The following GRID1 variants were observed in gnomAD, a reference collection of about 807,000 sequenced individuals.
GRID1 encodes the protein glutamate receptor ionotropic, delta-1.
In GRID1, 28 loss-of-function variants were observed where a neutral mutation model predicts 98.0. That is an observed-to-expected ratio of 0.29 (90% CI 0.21 to 0.39). The LOEUF (loss-of-function observed/expected upper bound fraction) is 0.39, where lower values mean the gene tolerates loss of function less well. Among genes scored for constraint, GRID1 ranks in the 10% least tolerant of loss-of-function variants. The pLI is 1.00. For missense variants in GRID1, 1,111 were observed against 1,340.5 expected (o/e 0.83, Z 2.67); for synonymous variants, 553 against 538.5 (o/e 1.03, Z -0.37).
At chr10:85,879,034 A>G (rs543560649) in intron 5 of GRID1, among the ~76,000 whole-genome samples, 8,354 of 149,280 alleles carry the variant, frequency 0.056, 269 homozygotes, top group African/African-American at 0.063. Context: ...AGGCCATTAC[A>G]TGATGGTAAA....
intron 3 of GRID1, among the ~76,000 whole-genome samples, chr10:86,142,918 C>T (rs987274052): frequency 1.5e-4 from 23 of 152,344 alleles, no homozygotes; most frequent in Middle Eastern, 3.4e-3. Flanking sequence ...GGGCAAGTAG[C>T]AACTGTCTTG....
chr10:86,251,151 C>G (rs970000704), intron 2 of GRID1, among the ~76,000 whole-genome samples: 2 of 152,078 alleles, frequency 1.3e-5, no homozygotes, highest in South Asian at 2.1e-4. Flanking sequence ...GCAGCATACT[C>G]GTTAAGAGTC....
chr10:86,033,270 C>T (rs1415843813), intron 4 of GRID1, among the ~76,000 whole-genome samples: 3 of 152,052 alleles, frequency 2.0e-5, no homozygotes, highest in Non-Finnish European at 4.4e-5. Context: ...TAACAAATTG[C>T]CCATGATCTA....
At chr10:86,145,644 T>A (rs1401000782) in intron 3 of GRID1, among the ~76,000 whole-genome samples, 1 of 152,082 alleles carries the variant, frequency 6.6e-6, no homozygotes, top group East Asian at 1.9e-4. Flanking sequence ...CAGTTCAAAC[T>A]TCCCCTCTGA....
chr10:85,675,306 G>A (rs1387715284), intron 12 of GRID1, among the ~76,000 whole-genome samples: 1 of 152,112 alleles, frequency 6.6e-6, no homozygotes, highest in African/African-American at 2.4e-5. Flanking sequence ...GAATGGCAGT[G>A]CCCTTCTCCT....
chr10:85,777,943 C>A (rs1470473704), intron 8 of GRID1, among the ~76,000 whole-genome samples: 2 of 152,152 alleles, frequency 1.3e-5, no homozygotes, highest in African/African-American at 2.4e-5. Flanking sequence ...TAAATCCACA[C>A]CCCAAATGTA....
chr10:86,237,479 T>C (rs868404109), intron 2 of GRID1, among the ~76,000 whole-genome samples: 8 of 152,072 alleles, frequency 5.3e-5, no homozygotes, highest in African/African-American at 1.9e-4. Flanking sequence ...GGCGGGTGGA[T>C]CACGAGGTCA....
intron 15 of GRID1, among the ~76,000 whole-genome samples, chr10:85,612,171 C>A (rs947658917): frequency 1.3e-5 from 2 of 152,198 alleles, no homozygotes; most frequent in African/African-American, 2.4e-5. Context: ...CCACCCCTGT[C>A]CTCACCCCTG....
intron 12 of GRID1, among the ~76,000 whole-genome samples, chr10:85,710,358 CA>C (rs1341777381): frequency 2.0e-5 from 3 of 152,040 alleles, no homozygotes; most frequent in African/African-American, 7.2e-5. Context: ...GGTGCCAAGA[CA>C]ATTCAAAGAA....
At chr10:85,807,070 C>G (rs566564274) in intron 8 of GRID1, among the ~76,000 whole-genome samples, 2 of 151,984 alleles carry the variant, frequency 1.3e-5, no homozygotes, top group South Asian at 4.2e-4. Context: ...TAATCTTGGG[C>G]TGGGCATAGT....
intron 2 of GRID1, among the ~76,000 whole-genome samples, chr10:86,314,229 T>C (rs1207543528): frequency 2.0e-5 from 3 of 152,232 alleles, no homozygotes; most frequent in African/African-American, 7.2e-5. Context: ...TGCTTTCAGC[T>C]GGTGCTCAGG....
chr10:86,313,886 A>G (rs1448728427), intron 2 of GRID1, among the ~76,000 whole-genome samples: 1 of 152,110 alleles, frequency 6.6e-6, no homozygotes, highest in Non-Finnish European at 1.5e-5. Context: ...ACTCCATGCT[A>G]TTACAACAAA....
chr10:86,280,366 C>T (rs893400922), intron 2 of GRID1, among the ~76,000 whole-genome samples: 53 of 152,202 alleles, frequency 3.5e-4, no homozygotes, highest in Admixed American at 7.9e-4. Flanking sequence ...CCCTCCTCTA[C>T]TTGCTGCTCC....
intron 6 of GRID1, among the ~76,000 whole-genome samples, chr10:85,867,646 A>G (rs988858519): frequency 6.6e-6 from 1 of 152,256 alleles, no homozygotes; most frequent in African/African-American, 2.4e-5. Flanking sequence ...ATCTCAACGT[A>G]AACTCTTGCC....
At chr10:85,620,974 C>A (rs1215891080) in intron 13 of GRID1, among the ~76,000 whole-genome samples, 2 of 152,188 alleles carry the variant, frequency 1.3e-5, no homozygotes, top group African/African-American at 4.8e-5. Flanking sequence ...CAGGAACTTG[C>A]CTGCAGCGAC....
intron 2 of GRID1, among the ~76,000 whole-genome samples, chr10:86,211,187 C>A (rs913688321): frequency 1.8e-4 from 28 of 152,352 alleles, no homozygotes; most frequent in African/African-American, 6.5e-4. Context: ...AGTAGCAACT[C>A]AGAAGTCATC....
rs756926441 is a variant in GRID1 at position 85,686,054 on chromosome 10, TAAG to T, written c.1997+36946_1997+36948del. Among the ~76,000 whole-genome samples, 17 of 152,186 alleles carry T rather than the reference TAAG, an allele frequency of 1.1e-4. No individual in the cohort carries two copies. In the East Asian group the frequency reaches 1.7e-3, roughly 16 times the overall value. On this transcript the variant is annotated intron_variant, in intron 12 of 15. Transcript: ENST00000327946. ...ATTTTGATCTTGTTTATGTGAAATA[TAAG>T]AAGCTGATTTTCAATACATATAAAA... is the stretch of plus-strand genomic sequence containing the variant.
At chr10:85,900,085 A>G (rs1841358756) in intron 5 of GRID1, among the ~76,000 whole-genome samples, 1 of 152,182 alleles carries the variant, frequency 6.6e-6, no homozygotes, top group South Asian at 2.1e-4. Flanking sequence ...ACATCCCTTA[A>G]GACACTCACA....
intron 3 of GRID1, among the ~76,000 whole-genome samples, chr10:86,141,616 C>T (rs1251547265): frequency 1.3e-5 from 2 of 152,240 alleles, no homozygotes; most frequent in African/African-American, 2.4e-5. Context: ...CTAGGCTGTA[C>T]ATAACACAAC....
Sources: gnomAD v4.1 joint callset for allele counts (sites outside exome capture counted in the v4.1 genomes callset) on GRCh38, gnomAD v4.1.1 for gene constraint, MANE v1.5 for transcripts, NCBI Gene and HGNC (gene_info 2026-07-23, HGNC 2026-07-21) for gene names.